The following PNPT1 variants were observed in gnomAD, a reference collection of about 807,000 sequenced individuals.
The protein encoded by PNPT1 is polyribonucleotide nucleotidyltransferase 1, mitochondrial.
Under a neutral mutation model 119.5 loss-of-function variants are expected in PNPT1, and 53 were observed. The observed-to-expected ratio is 0.44, with a 90% CI of 0.36 to 0.56. The LOEUF (loss-of-function observed/expected upper bound fraction) is 0.56. Ranked by LOEUF, PNPT1 falls within the 20% of genes least tolerant of loss-of-function variation. The pLI, the probability that PNPT1 is intolerant of heterozygous loss-of-function variation, is 0.00. For synonymous variants in PNPT1, 357 were observed against 322.1 expected (o/e 1.11, Z -1.16); for missense variants, 948 against 938.5 (o/e 1.01, Z -0.13).
Position 55,669,490 on chromosome 2 carries a change from T to C in PNPT1, c.977-1532A>G, listed in dbSNP as rs112939231. Reference sequence around the variant, plus strand: ...TTCTTCAGAAAAGAATAATTTTTAATATTAGACTTTAATATCTTTTCTGCT... The same window carrying C: ...TTCTTCAGAAAAGAATAATTTTTAACATTAGACTTTAATATCTTTTCTGCT... On this transcript the variant is annotated intron_variant, in intron 11 of 27. Coordinates refer to ENST00000447944, the MANE Select transcript of PNPT1 (RefSeq NM_033109.5). 5.5e-3 allele frequency among the ~76,000 whole-genome samples: 844 copies of C among 152,348 alleles called. 3 individuals carry two copies. The highest frequency in any genetic ancestry group is 0.031 in the Middle Eastern group (9 of 294).
chr2:55,657,326 A>G (rs573447195), intron 15 of PNPT1, among the ~76,000 whole-genome samples: 22 of 151,990 alleles, frequency 1.4e-4, no homozygotes, highest in African/African-American at 4.6e-4. Context: ...CCCTTTTTTT[A>G]AAACAGAAAA....
intron 8 of PNPT1, 39 bp downstream of exon 8, chr2:55,679,643 G>C: frequency 7.1e-7 from 1 of 1,399,550 alleles, no homozygotes; most frequent in East Asian, 2.3e-5. Context: ...GAACTTGTAA[G>C]TAAAATCCAG....
At chr2:55,666,852 A>G in intron 13 of PNPT1, 139 bp downstream of exon 13, 2 of 568,802 alleles carry the variant, frequency 3.5e-6, no homozygotes, top group Non-Finnish European at 5.8e-6. Flanking sequence ...AACAAAACAA[A>G]CAAGAACCGC....
At chr2:55,661,091 C>CTTTTTTTTT (rs1171064705) in intron 14 of PNPT1, among the ~76,000 whole-genome samples, 1 of 71,598 alleles carries the variant, frequency 1.4e-5, no homozygotes, top group Non-Finnish European at 2.5e-5. Context: ...AATAGAGATT[C>CTTTTTTTTT]TTTTTTTTTT....
chr2:55,673,417 C>A lies in PNPT1; in HGVS notation c.680-338G>T, dbSNP rs1433710966. 3.3e-5 allele frequency among the ~76,000 whole-genome samples: 5 copies of A among 149,658 alleles called. No individual in the cohort carries two copies. The East Asian group carries it at 9.7e-4, about 29-fold the overall frequency. ...AAGTCACATAAAATAAAAATTAAAT[C>A]TTTTAAAGTATACAAGTGCATTTGT... On this transcript the variant is annotated intron_variant, in intron 8 of 27. Coordinates refer to ENST00000447944, the MANE Select transcript of PNPT1 (RefSeq NM_033109.5).
chr2:55,691,659 G>A (rs1167704567), intron 1 of PNPT1, among the ~76,000 whole-genome samples: 2 of 151,922 alleles, frequency 1.3e-5, no homozygotes, highest in African/African-American at 4.8e-5. Context: ...TGTGTCTGTT[G>A]AATGAAATGT....
At chr2:55,687,791 G>A (rs1201686471) in intron 1 of PNPT1, 86 bp from the exon 2 acceptor site, 3 of 1,070,710 alleles carry the variant, frequency 2.8e-6, no homozygotes, top group South Asian at 1.8e-5. Context: ...AGATTCTAAG[G>A]GAAGATTCTA....
At chr2:55,643,266 T>C in intron 24 of PNPT1, 53 bp from the exon 25 acceptor site, 6 of 1,612,964 alleles carry the variant, frequency 3.7e-6, no homozygotes, top group South Asian at 1.1e-5. Flanking sequence ...CAACAAAAAG[T>C]AGAAAAAACA....
rs181572848 is a variant in PNPT1 at position 55,684,702 on chromosome 2, T to C, written c.403+241A>G. Among the ~76,000 whole-genome samples, 433 of 152,382 alleles carry C rather than the reference T, an allele frequency of 2.8e-3. 1 individual carries two copies. Among genetic ancestry groups the C allele is most frequent in the Non-Finnish European group, 4.8e-3 (325 of 68,034 alleles). On this transcript the variant is annotated intron_variant, in intron 4 of 27. Coordinates refer to ENST00000447944, the MANE Select transcript of PNPT1 (RefSeq NM_033109.5). The stretch of plus-strand genomic sequence containing the variant: ...TACTCATTTAGTCAACAAATATTTA[T>C]TGAATGCCTATTCTGTGCTAAGCAG...
At chr2:55,637,989 G>T (rs1695725736) in intron 26 of PNPT1, among the ~76,000 whole-genome samples, 1 of 135,394 alleles carries the variant, frequency 7.4e-6, no homozygotes, top group Middle Eastern at 4.2e-3. Flanking sequence ...GACAGAGAGA[G>T]AATCCGTCTC....
chr2:55,645,070 C>T, intron 22 of PNPT1: 2 of 247,354 alleles, frequency 8.1e-6, no homozygotes, highest in South Asian at 2.0e-4. Context: ...GTCGCCCAGG[C>T]TGGAGTGCAG....
intron 11 of PNPT1, among the ~76,000 whole-genome samples, chr2:55,668,197 A>G (rs927233514): frequency 1.3e-5 from 2 of 152,156 alleles, no homozygotes; most frequent in African/African-American, 4.8e-5. Context: ...TTTCTACCTA[A>G]ATGACTGAAT....
intron 17 of PNPT1, among the ~76,000 whole-genome samples, chr2:55,655,594 A>T (rs6545511): frequency 0.99 from 150,586 of 152,362 alleles, 74,424 homozygotes; most frequent in East Asian, 1. Context: ...GTCTTTAGTT[A>T]AAATTCTGAG....
At chr2:55,654,824 C>T (rs1405990720) in intron 18 of PNPT1, 76 bp downstream of exon 18, 192 of 1,233,388 alleles carry the variant, frequency 1.6e-4, no homozygotes, top group Non-Finnish European at 2.0e-4. Flanking sequence ...GAGCCTCCTG[C>T]CTTGGCCTCC....
In PNPT1 at chr2:55,691,223, A is replaced by G. The variant is rs946775183; in HGVS notation, c.161+2440T>C. ...CCCACTGTGGCATATTCTGTTGAAT[A>G]TCCTCAGTGATTTGATACATAGTAG... On this transcript the variant is annotated intron_variant, in intron 1 of 27. Transcript: ENST00000447944. Among the ~76,000 whole-genome samples the G allele has an allele frequency of 2.0e-5, 3 of 152,368 alleles. No homozygotes were observed. The South Asian group carries it at 6.2e-4, about 32-fold the overall frequency.
chr2:55,648,365 T>C (rs2104041947), intron 18 of PNPT1, among the ~76,000 whole-genome samples: 1 of 152,312 alleles, frequency 6.6e-6, no homozygotes, highest in East Asian at 1.9e-4. Flanking sequence ...CACACAGAAG[T>C]GCGATTGCTG....
chr2:55,680,608 G>C (rs752476205), intron 7 of PNPT1, 104 bp downstream of exon 7: 18 of 1,022,118 alleles, frequency 1.8e-5, no homozygotes, highest in Non-Finnish European at 2.5e-5. Context: ...AATTCATGAA[G>C]AGGTAATAAA....
intron 11 of PNPT1, among the ~76,000 whole-genome samples, chr2:55,670,209 CAG>C (rs1225922266): frequency 6.6e-6 from 1 of 151,382 alleles, no homozygotes; most frequent in Non-Finnish European, 1.5e-5. Flanking sequence ...TTTTTTGAGA[CAG>C]AGTCTCGCTC....
intron 9 of PNPT1, 82 bp from the exon 10 acceptor site, chr2:55,672,128 TTAA>T (rs1696935938): frequency 1.9e-6 from 2 of 1,036,556 alleles, no homozygotes; most frequent in South Asian, 3.0e-5. Context: ...ACTGAAATAT[TTAA>T]TAATAATCAG....
Sources: gnomAD v4.1 joint callset for allele counts (sites outside exome capture counted in the v4.1 genomes callset) on GRCh38, gnomAD v4.1.1 for gene constraint, MANE v1.5 for transcripts, NCBI Gene and HGNC (gene_info 2026-07-23, HGNC 2026-07-21) for gene names.